RANBP2: variants seen among roughly 807,000 people sequenced by gnomAD.
RANBP2 encodes E3 SUMO-protein ligase RanBP2.
A neutral mutation model predicts 303.6 loss-of-function variants in RANBP2; 57 were observed. The ratio of observed to expected loss-of-function variants is 0.19; its 90% CI spans 0.15 to 0.23. The LOEUF (loss-of-function observed/expected upper bound fraction) is 0.23. Ranked by LOEUF, RANBP2 falls within the 10% of genes least tolerant of loss-of-function variation. RANBP2 has a pLI of 1.00. For synonymous variants in RANBP2, 1,167 were observed against 1,301.5 expected (o/e 0.90, Z 2.23); for missense variants, 3,138 against 3,780.8 (o/e 0.83, Z 4.46).
At chr2:109,008,862 G>C in the RANBP2 span, among the ~76,000 whole-genome samples, 1 of 149,884 alleles carries the variant, frequency 6.7e-6, no homozygotes, top group Non-Finnish European at 1.5e-5. Context: ...TCGCACCACT[G>C]CACTCCAGCC....
At chr2:109,043,135 A>G in the RANBP2 span, among the ~76,000 whole-genome samples, 17 of 152,182 alleles carry the variant, frequency 1.1e-4, no homozygotes, top group Non-Finnish European at 7.4e-5. Context: ...ACAAGCATCT[A>G]CAGGAGCCCT....
the RANBP2 span, among the ~76,000 whole-genome samples, chr2:109,718,969 C>T: frequency 7.2e-6 from 1 of 139,756 alleles, no homozygotes; most frequent in South Asian, 2.3e-4. Flanking sequence ...GAGATTGTGC[C>T]ACTGCATTCC....
At chr2:109,400,934 A>G in the RANBP2 span, among the ~76,000 whole-genome samples, 2 of 152,214 alleles carry the variant, frequency 1.3e-5, no homozygotes, top group South Asian at 4.1e-4. Flanking sequence ...TCCCAACCCT[A>G]ACTCCACTCC....
the RANBP2 span, among the ~76,000 whole-genome samples, chr2:109,548,139 G>A: frequency 6.6e-6 from 1 of 151,800 alleles, no homozygotes; most frequent in Non-Finnish European, 1.5e-5. Flanking sequence ...AAGGTCCAAG[G>A]AGAATGTAGG....
the RANBP2 span, among the ~76,000 whole-genome samples, chr2:109,189,689 TAATC>T: frequency 6.6e-6 from 1 of 152,158 alleles, no homozygotes; most frequent in African/African-American, 2.4e-5. Flanking sequence ...TATTGTGTAA[TAATC>T]AAAGTTGAAT....
chr2:109,212,887 A>G, the RANBP2 span, among the ~76,000 whole-genome samples: 2 of 152,118 alleles, frequency 1.3e-5, no homozygotes, highest in Non-Finnish European at 1.5e-5. Flanking sequence ...GATCAGACAC[A>G]GTCTTGGCTT....
At chr2:108,787,938 A>G, downstream of RANBP2, 1 of 1,079,856 alleles carries the variant, frequency 9.3e-7, no homozygotes, top group Non-Finnish European at 1.3e-6. Flanking sequence ...CTCCACTCTA[A>G]CCTTTGTAAT....
chr2:108,772,530 C>G lies in RANBP2; in HGVS notation c.8062C>G (p.Leu2688Val). 1 of 1,613,708 alleles carries G rather than the reference C, an allele frequency of 6.2e-7. No homozygotes were observed. The stretch of plus-strand genomic sequence containing the variant: ...AGCTGTCAAGAAACTTAATGGAAAA[C>G]TATATTTGGATGGCTCAGAAAAATG... ...ETAVKKLNGK[L>V]YLDGSEKCRP... Residue 2688 changes from leucine (L) to valine (V), a missense_variant, in exon 22 of 29, where the codon CTA becomes GTA. Physicochemically the swap from Leu to Val is conservative, Grantham distance 32. Coordinates refer to ENST00000283195, the MANE Select transcript of RANBP2 (RefSeq NM_006267.5).
At chr2:108,778,663 C>G (rs1387234633) in intron 25 of RANBP2, among the ~76,000 whole-genome samples, 2 of 152,144 alleles carry the variant, frequency 1.3e-5, no homozygotes, top group African/African-American at 4.8e-5. Context: ...ATTCTTCTGC[C>G]ACATGTCCCT....
At chr2:109,739,928 G>A in the RANBP2 span, among the ~76,000 whole-genome samples, 1 of 148,330 alleles carries the variant, frequency 6.7e-6, no homozygotes, top group Non-Finnish European at 1.5e-5. Context: ...GTTATAAAAT[G>A]TAATTTTATT....
chr2:108,782,637 G>A lies in RANBP2; in HGVS notation c.9144G>A (p.Gln3048=), dbSNP rs1428425946. 3 of 1,614,096 alleles carry A rather than the reference G, an allele frequency of 1.9e-6. No homozygotes were observed. The highest frequency in any genetic ancestry group is 2.5e-6 in the Non-Finnish European group (3 of 1,180,046). Residue 3048 remains glutamine, a synonymous_variant, in exon 28 of 29, where the codon CAG becomes CAA. Coordinates refer to ENST00000283195, the MANE Select transcript of RANBP2 (RefSeq NM_006267.5). ...EECQQNLMKL[Q]KGHVSLAAEL... Reference sequence around the variant, plus strand: ...GTCAGCAGAATTTAATGAAACTCCAGAAAGGACATGTATCACTGGCAGCAG... The same window carrying A: ...GTCAGCAGAATTTAATGAAACTCCAAAAAGGACATGTATCACTGGCAGCAG...
At chr2:109,303,345 C>T in the RANBP2 span, among the ~76,000 whole-genome samples, 2 of 152,328 alleles carry the variant, frequency 1.3e-5, no homozygotes, top group South Asian at 2.1e-4. Context: ...ACAAGGTGTG[C>T]GTTCAGTTGA....
At chr2:109,158,645 G>A in the RANBP2 span, among the ~76,000 whole-genome samples, 123,920 of 152,230 alleles carry the variant, frequency 0.81, 50,585 homozygotes, top group East Asian at 0.89. Context: ...GATCTAAGTC[G>A]TGAGAGCATC....
the RANBP2 span, among the ~76,000 whole-genome samples, chr2:109,082,552 G>A: frequency 3.9e-5 from 6 of 152,002 alleles, no homozygotes; most frequent in African/African-American, 1.4e-4. Flanking sequence ...ACCTGCCTTG[G>A]CCTCCCAAAG....
chr2:109,130,170 C>T, the RANBP2 span: 6 of 1,250,986 alleles, frequency 4.8e-6, no homozygotes, highest in Admixed American at 1.7e-4. Context: ...TGGGTGGGTG[C>T]TTGGGCGTGG....
the RANBP2 span, among the ~76,000 whole-genome samples, chr2:109,058,218 C>T: frequency 1.3e-5 from 2 of 152,232 alleles, no homozygotes; most frequent in African/African-American, 2.4e-5. Context: ...AGCCCCTTCT[C>T]TCTCAGTGTG....
At position 108,773,013 on chromosome 2, in the gene RANBP2, T is replaced by C. The variant is rs1255354899; in HGVS notation, c.8259T>C (p.Phe2753=). The C allele has an allele frequency of 6.2e-7, 1 of 1,613,506 alleles. No individual in the cohort carries two copies. Among genetic ancestry groups the C allele is most frequent in the Non-Finnish European group, 8.5e-7 (1 of 1,179,638 alleles). Residue 2753 remains phenylalanine, a synonymous_variant, in exon 23 of 29, where the codon TTT becomes TTC. Coordinates refer to ENST00000283195, the MANE Select transcript of RANBP2 (RefSeq NM_006267.5). ...TDEDNGNGED[F]QSELQKVQEA... is the part of the protein sequence containing the mutation. ...AAGACAATGGAAATGGGGAGGACTT[T>C]CAATCAGAGCTTCAAAAAGTTCAGG...
chr2:109,185,622 C>G, the RANBP2 span, among the ~76,000 whole-genome samples: 34 of 152,188 alleles, frequency 2.2e-4, no homozygotes, highest in Non-Finnish European at 4.3e-4. Flanking sequence ...AAGCCGGAGC[C>G]AAGTCCCTGG....
At chr2:109,612,649 C>T in the RANBP2 span, among the ~76,000 whole-genome samples, 1 of 152,152 alleles carries the variant, frequency 6.6e-6, no homozygotes, top group East Asian at 1.9e-4. Flanking sequence ...TGTTTGGATA[C>T]GTAATCTATG....
Sources: allele counts gnomAD v4.1 joint callset (sites outside exome capture counted in the v4.1 genomes callset), GRCh38; gene constraint gnomAD v4.1.1; transcripts MANE v1.5; gene names NCBI Gene and HGNC (gene_info 2026-07-23, HGNC 2026-07-21).